DNPEP: variants seen among roughly 807,000 people sequenced by gnomAD.
The protein encoded by DNPEP is aspartyl aminopeptidase.
Under a neutral mutation model 59.1 loss-of-function variants are expected in DNPEP, and 46 were observed. The observed-to-expected ratio is 0.78, with a 90% CI of 0.61 to 0.99. The LOEUF is 0.99. DNPEP is among the 50% of genes least tolerant of loss of function. The pLI is 0.00. For missense variants in DNPEP, 617 were observed against 649.9 expected, an observed-to-expected ratio of 0.95 and a Z score of 0.55; for synonymous variants, 229 against 242.2, an observed-to-expected ratio of 0.95 and a Z score of 0.50.
At chr2:219,391,560 AT>A (rs1354511781), upstream of DNPEP, among the ~76,000 whole-genome samples, 1 of 152,196 alleles carries the variant, frequency 6.6e-6, no homozygotes, top group African/African-American at 2.4e-5. Context: ...TTGTAAGTGT[AT>A]ATAATTTAGT....
In DNPEP at chr2:219,372,276, A is replaced by G. The variant is rs1953215102; in HGVS notation, c.*2016T>C. Among the ~76,000 whole-genome samples, 1 of 152,194 alleles carries G rather than the reference A, an allele frequency of 6.6e-6. No individual in the cohort carries two copies. The highest frequency in any genetic ancestry group is 1.5e-5 in the Non-Finnish European group (1 of 68,048). On this transcript the variant is annotated 3_prime_UTR_variant, in exon 15 of 15. Coordinates refer to ENST00000273075, the MANE Select transcript of DNPEP (RefSeq NM_012100.4). Reference sequence around the variant, plus strand: ...GGCCCTTTTGTCACTCCCAACCCAGAAGATCACTGTAAAAGTTTCAGGTGC... The same window carrying G: ...GGCCCTTTTGTCACTCCCAACCCAGGAGATCACTGTAAAAGTTTCAGGTGC...
intron 1 of DNPEP, chr2:219,387,448 C>G (rs774112582): frequency 2.1e-4 from 299 of 1,434,382 alleles, no homozygotes; most frequent in Non-Finnish European, 2.6e-4. Context: ...AAATCCTGTT[C>G]TGCTCCCAAA....
Position 219,386,353 on chromosome 2 carries a change from T to C in DNPEP, c.392A>G (p.Tyr131Cys), listed in dbSNP as rs368261276. 10 of 1,614,114 alleles carry C rather than the reference T, an allele frequency of 6.2e-6. No homozygotes were observed. Among genetic ancestry groups the C allele is most frequent in the Non-Finnish European group, 6.8e-6 (8 of 1,180,006 alleles). Residue 131 changes from tyrosine (Y) to cysteine (C), a missense_variant, in exon 5 of 15, where the codon TAT (tyrosine) becomes TGT (cysteine). Tyr to Cys is a radical substitution (Grantham distance 194). Coordinates refer to ENST00000273075, the MANE Select transcript of DNPEP (RefSeq NM_012100.4). ...CCAGGTGCTCCAGATCCCACCACCA[T>C]AGGTCTCCACACCGACTTGCTGGAA... ...VGFQQVGVET[Y>C]GGGIWSTWFD...
upstream of DNPEP, chr2:219,388,952 A>C: frequency 2.3e-6 from 2 of 863,018 alleles, no homozygotes; most frequent in Non-Finnish European, 2.8e-6. Context: ...TAAACGGCAC[A>C]GGTGGGGTTT....
At chr2:219,396,055 A>T (rs373087682) in intron 1 of DNPEP, among the ~76,000 whole-genome samples, 8 of 152,220 alleles carry the variant, frequency 5.3e-5, no homozygotes, top group African/African-American at 1.7e-4. Context: ...GATGGATCTC[A>T]GGTGCCTTAT....
At position 219,386,386 on chromosome 2, in the gene DNPEP, T is replaced by C; in HGVS notation, c.359A>G (p.Gln120Arg). The C allele has an allele frequency of 1.2e-6, 2 of 1,614,204 alleles. No individual in the cohort carries two copies. The highest frequency in any genetic ancestry group is 1.7e-6 in the Non-Finnish European group (2 of 1,180,034). The change falls in exon 5 of 15, where the codon CAG becomes CGG. Residue 120 changes from glutamine to arginine, a missense_variant. Coordinates refer to ENST00000273075, the MANE Select transcript of DNPEP (RefSeq NM_012100.4). Reference sequence around the variant, plus strand: ...CACACCGACTTGCTGGAAGCCCACCTGGCTGCGGCGAGACCGACGTTTCAC... The same window carrying C: ...CACACCGACTTGCTGGAAGCCCACCCGGCTGCGGCGAGACCGACGTTTCAC... Reference protein sequence around the residue: ...LRVKRRSRRSQVGFQQVGVET... With the variant: ...LRVKRRSRRSRVGFQQVGVET...
chr2:219,385,743 AG>A, intron 6 of DNPEP, 37 bp from the exon 7 acceptor site: 1 of 1,556,666 alleles, frequency 6.4e-7, no homozygotes, highest in Non-Finnish European at 8.7e-7. Context: ...GATTGCGAGG[AG>A]GGCACAGCTG....
upstream of DNPEP, among the ~76,000 whole-genome samples, chr2:219,391,682 A>G (rs888038724): frequency 1.3e-5 from 2 of 152,150 alleles, no homozygotes; most frequent in African/African-American, 4.8e-5. Context: ...TTCCACCCGT[A>G]CTGTACATCT....
chr2:219,388,139 T>G, upstream of DNPEP: 1 of 143,868 alleles, frequency 7.0e-6, no homozygotes, highest in Non-Finnish European at 1.2e-5. Flanking sequence ...CCGCCCGCCC[T>G]GCCCCTCGCA....
chr2:219,392,794 A>ACCACCGCGTC (rs1168440803), upstream of DNPEP, among the ~76,000 whole-genome samples: 4 of 152,158 alleles, frequency 2.6e-5, no homozygotes, highest in East Asian at 7.7e-4. Flanking sequence ...ACACGTGTGA[A>ACCACCGCGTC]CCACCGCGTC....
At chr2:219,388,106 G>T, upstream of DNPEP, 1 of 176,274 alleles carries the variant, frequency 5.7e-6, no homozygotes, top group Non-Finnish European at 8.4e-6. Context: ...CGCCCGCCCC[G>T]CCCCGCCCCT....
chr2:219,388,049 A>G (rs1175823565), upstream of DNPEP: 81 of 595,452 alleles, frequency 1.4e-4, no homozygotes, highest in African/African-American at 2.5e-3. Flanking sequence ...GCTGGGCACC[A>G]CCACCCGCCT....
intron 13 of DNPEP, among the ~76,000 whole-genome samples, chr2:219,377,281 A>C: frequency 8.6e-6 from 1 of 116,030 alleles, no homozygotes; most frequent in Non-Finnish European, 2.1e-5. Context: ...CTCTGTCAAA[A>C]AAAAAAAAAA....
At chr2:219,387,323 A>T in intron 1 of DNPEP, 160 bp from the exon 2 acceptor site, 1 of 1,443,134 alleles carries the variant, frequency 6.9e-7, no homozygotes. Flanking sequence ...CCCAGGGCTG[A>T]AACTCCGTTG....
intron 13 of DNPEP, among the ~76,000 whole-genome samples, chr2:219,377,270 A>T (rs1407353750): frequency 5.7e-5 from 5 of 87,060 alleles, no homozygotes; most frequent in Non-Finnish European, 1.0e-4. Context: ...TGAAACTCTC[A>T]CTCTGTCAAA....
Position 219,386,005 on chromosome 2 carries a change from T to C in DNPEP, c.553A>G (p.Ile185Val). The C allele has an allele frequency of 6.2e-7, 1 of 1,614,148 alleles. No homozygotes were observed. The highest frequency in any genetic ancestry group is 8.5e-7 in the Non-Finnish European group (1 of 1,180,002). Residue 185 changes from isoleucine to valine, a missense_variant, in exon 6 of 15, where the codon ATC becomes GTC. Coordinates refer to ENST00000273075, the MANE Select transcript of DNPEP (RefSeq NM_012100.4). ...GTGTTGGGCCCAAAGTTCTCGTTGA[T>C]ATTTCGCTGCAGATGGATGGCCAGG... is the stretch of plus-strand genomic sequence containing the variant. Reference protein sequence around the residue: ...PHLAIHLQRNINENFGPNTEM... With the variant: ...PHLAIHLQRNVNENFGPNTEM...
intron 13 of DNPEP, among the ~76,000 whole-genome samples, chr2:219,377,902 G>T (rs1953435906): frequency 6.6e-6 from 1 of 150,486 alleles, no homozygotes; most frequent in South Asian, 2.1e-4. Flanking sequence ...CAGCCTGGGA[G>T]ACAAAGCAAG....
At chr2:219,389,672 A>G (rs1953980987), upstream of DNPEP, among the ~76,000 whole-genome samples, 2 of 152,120 alleles carry the variant, frequency 1.3e-5, no homozygotes, top group South Asian at 4.1e-4. Context: ...TCTACAAAAA[A>G]TACAAAAATT....
In DNPEP at chr2:219,387,461, C is replaced by G. The variant is rs1953898313; in HGVS notation, c.36+298G>C. On this transcript the variant is annotated intron_variant, in intron 1 of 14. Transcript: ENST00000273075. The stretch of plus-strand genomic sequence containing the variant: ...GGAAATCCTGTTCTGCTCCCAAACT[C>G]CGGGATCCCAAGCGGGCCCCATACT... 3 of 1,434,202 alleles carry G rather than the reference C, an allele frequency of 2.1e-6. No homozygotes were observed. In the South Asian group the frequency reaches 4.5e-5, roughly 22 times the overall value. The allele number at this position is 1,434,202 out of a possible 1,614,324, so 88.8% of individuals were successfully genotyped here. A position where few individuals can be genotyped will look rare whatever the true frequency, so the allele number is the denominator to read the frequency against.
Sources: allele counts gnomAD v4.1 joint callset (sites outside exome capture counted in the v4.1 genomes callset), GRCh38; gene constraint gnomAD v4.1.1; transcripts MANE v1.5; gene names NCBI Gene and HGNC (gene_info 2026-07-23, HGNC 2026-07-21).